Variants in SLC35F1 observed in about 807,000 individuals in gnomAD.
The protein encoded by SLC35F1 is chromosome 6 open reading frame 169.
A neutral mutation model predicts 48.7 loss-of-function variants in SLC35F1; 14 were observed. The ratio of observed to expected loss-of-function variants is 0.29; its 90% CI spans 0.19 to 0.45. The LOEUF (loss-of-function observed/expected upper bound fraction) is 0.45. SLC35F1 is among the 20% of genes least tolerant of loss of function. The probability of loss-of-function intolerance (pLI) is 1.00; values close to 1 mark genes in which losing one functional copy is unlikely to be tolerated. For synonymous variants in SLC35F1, 190 were observed against 202.2 expected, an observed-to-expected ratio of 0.94 and a Z score of 0.51; for missense variants, 404 against 500.0, an observed-to-expected ratio of 0.81 and a Z score of 1.83.
intron 1 of SLC35F1, among the ~76,000 whole-genome samples, chr6:118,077,300 CAT>C (rs967741619): frequency 2.6e-5 from 4 of 152,138 alleles, no homozygotes; most frequent in African/African-American, 9.7e-5. Flanking sequence ...TGGGCAGAAA[CAT>C]ACACAGGCAG....
Position 118,112,106 on chromosome 6 carries a change from C to A in SLC35F1, c.174-42339C>A, listed in dbSNP as rs1324681666. On this transcript the variant is annotated intron_variant, in intron 1 of 7. Coordinates refer to ENST00000360388, the MANE Select transcript of SLC35F1 (RefSeq NM_001029858.4). Reference sequence around the variant, plus strand: ...TCTTTCTTTTCTTTTCTTTTCTTTTCTTTTCTTTTCTTTTCTTTTCTTTTC... The same window carrying A: ...TCTTTCTTTTCTTTTCTTTTCTTTTATTTTCTTTTCTTTTCTTTTCTTTTC... 1.8e-3 allele frequency among the ~76,000 whole-genome samples: 152 copies of A among 86,244 alleles called. 3 individuals carry two copies. The highest frequency in any genetic ancestry group is 9.9e-3 in the Middle Eastern group (2 of 202). 56.6% of individuals were successfully genotyped at this position (86,244 alleles called of 152,430 possible).
At chr6:118,299,285 A>G (rs1474046283) in intron 7 of SLC35F1, among the ~76,000 whole-genome samples, 6 of 152,218 alleles carry the variant, frequency 3.9e-5, no homozygotes, top group African/African-American at 1.4e-4. Flanking sequence ...ATCTGAAAGG[A>G]TGTTTATGAA....
intron 2 of SLC35F1, among the ~76,000 whole-genome samples, chr6:118,183,603 A>G (rs1774615942): frequency 6.6e-6 from 1 of 152,198 alleles, no homozygotes; most frequent in Non-Finnish European, 1.5e-5. Flanking sequence ...AATGGTGACC[A>G]TCAAGAAACA....
chr6:118,128,021 A>C lies in SLC35F1; in HGVS notation c.174-26424A>C, dbSNP rs556238992. On this transcript the variant is annotated intron_variant, in intron 1 of 7. Coordinates refer to ENST00000360388, the MANE Select transcript of SLC35F1 (RefSeq NM_001029858.4). ...CAAAGGATATGAACAGACACTTCTC[A>C]AAAGAAGACATTTATGCAGCCAAAA... 3.8e-3 allele frequency among the ~76,000 whole-genome samples: 578 copies of C among 151,832 alleles called. 4 individuals are homozygous for C. The highest frequency in any genetic ancestry group is 0.013 in the African/African-American group (526 of 41,466).
intron 3 of SLC35F1, among the ~76,000 whole-genome samples, chr6:118,250,537 C>T (rs987941777): frequency 7.2e-5 from 11 of 152,148 alleles, no homozygotes; most frequent in Admixed American, 2.0e-4. Context: ...AATACAGAGA[C>T]GTATGGGAGC....
chr6:118,105,788 A>G (rs9387559), intron 1 of SLC35F1, among the ~76,000 whole-genome samples: 31,227 of 152,150 alleles, frequency 0.21, 3,403 homozygotes, highest in East Asian at 0.32. Context: ...TGATACATCA[A>G]AGTAGATAGT....
At chr6:118,222,510 T>C (rs1474934647) in intron 2 of SLC35F1, among the ~76,000 whole-genome samples, 1 of 151,920 alleles carries the variant, frequency 6.6e-6, no homozygotes, top group Non-Finnish European at 1.5e-5. Flanking sequence ...TATTGGGGGG[T>C]ATAAAAATAT....
At chr6:118,299,907 T>C (rs1306098250) in intron 7 of SLC35F1, among the ~76,000 whole-genome samples, 1 of 152,292 alleles carries the variant, frequency 6.6e-6, no homozygotes, top group East Asian at 1.9e-4. Context: ...CTCTAAACTA[T>C]AGTTTTCCCA....
At chr6:118,146,764 A>G (rs1388184096) in intron 1 of SLC35F1, among the ~76,000 whole-genome samples, 1 of 152,092 alleles carries the variant, frequency 6.6e-6, no homozygotes, top group Non-Finnish European at 1.5e-5. Flanking sequence ...CTACTGACTG[A>G]TTTGTTTCTC....
At chr6:117,928,159 A>C (rs1562240595) in intron 1 of SLC35F1, among the ~76,000 whole-genome samples, 2 of 152,170 alleles carry the variant, frequency 1.3e-5, no homozygotes, top group Non-Finnish European at 2.9e-5. Context: ...TCAAGAAAAA[A>C]AATGAAGTGC....
intron 6 of SLC35F1, among the ~76,000 whole-genome samples, chr6:118,280,785 C>T (rs1775973424): frequency 6.6e-6 from 1 of 151,614 alleles, no homozygotes; most frequent in Non-Finnish European, 1.5e-5. Context: ...GGCTGAGGAT[C>T]ACTTGAACCC....
chr6:117,960,166 G>A (rs1352748456), intron 1 of SLC35F1, among the ~76,000 whole-genome samples: 1 of 151,760 alleles, frequency 6.6e-6, no homozygotes, highest in African/African-American at 2.4e-5. Flanking sequence ...TAGTCTAGAG[G>A]GGTTGACAAA....
chr6:118,307,236 T>C (rs1174452680), intron 7 of SLC35F1, among the ~76,000 whole-genome samples: 1 of 152,222 alleles, frequency 6.6e-6, no homozygotes, highest in East Asian at 1.9e-4. Flanking sequence ...CTTGATTAAA[T>C]TAACATGAAT....
chr6:118,283,785 T>C (rs1158389098), intron 6 of SLC35F1, among the ~76,000 whole-genome samples: 1 of 152,154 alleles, frequency 6.6e-6, no homozygotes, highest in African/African-American at 2.4e-5. Context: ...AGTAGTTTGG[T>C]TAAAAGGAAA....
intron 2 of SLC35F1, among the ~76,000 whole-genome samples, chr6:118,234,324 G>A (rs2114581759): frequency 6.6e-6 from 1 of 152,280 alleles, no homozygotes; most frequent in South Asian, 2.1e-4. Flanking sequence ...TCACTTTTGA[G>A]ATTAGGTTAT....
chr6:118,115,603 C>T (rs1477237110), intron 1 of SLC35F1, among the ~76,000 whole-genome samples: 2 of 152,176 alleles, frequency 1.3e-5, no homozygotes, highest in East Asian at 3.9e-4. Context: ...CACCAAGTAT[C>T]CCTTTGAACC....
intron 2 of SLC35F1, among the ~76,000 whole-genome samples, chr6:118,221,378 T>A (rs986175153): frequency 1.3e-5 from 2 of 152,178 alleles, no homozygotes; most frequent in Non-Finnish European, 2.9e-5. Flanking sequence ...TTAGCTATTA[T>A]GAGCTTGTCA....
chr6:118,167,038 C>T (rs1372255400), intron 2 of SLC35F1, among the ~76,000 whole-genome samples: 1 of 152,142 alleles, frequency 6.6e-6, no homozygotes, highest in Non-Finnish European at 1.5e-5. Context: ...CATGAATTCA[C>T]TCGTTCATTA....
intron 1 of SLC35F1, among the ~76,000 whole-genome samples, chr6:117,970,179 C>T (rs1776620780): frequency 6.6e-6 from 1 of 152,204 alleles, no homozygotes; most frequent in South Asian, 2.1e-4. Flanking sequence ...GCCAGTGACT[C>T]TGCCAACTGC....
Sources: allele counts gnomAD v4.1 joint callset (sites outside exome capture counted in the v4.1 genomes callset), GRCh38; gene constraint gnomAD v4.1.1; transcripts MANE v1.5; gene names NCBI Gene and HGNC (gene_info 2026-07-23, HGNC 2026-07-21).